Variants in DMRT3 observed in about 807,000 individuals in gnomAD.
DMRT3 encodes doublesex- and mab-3-related transcription factor 3.
Under a neutral mutation model 34.9 loss-of-function variants are expected in DMRT3, and 29 were observed. That is an observed-to-expected ratio of 0.83 (90% CI 0.62 to 1.13). DMRT3 has a LOEUF of 1.13. DMRT3 is among the 50% of genes most tolerant of loss of function. The pLI, the probability that DMRT3 is intolerant of heterozygous loss-of-function variation, is 0.00. For synonymous variants in DMRT3, 350 were observed against 286.0 expected, an observed-to-expected ratio of 1.22 and a Z score of -2.26; for missense variants, 772 against 629.1, an observed-to-expected ratio of 1.23 and a Z score of -2.43.
In DMRT3 at chr9:976,914, C is replaced by T; in HGVS notation, c.-88C>T. On this transcript the variant is annotated 5_prime_UTR_variant, in exon 1 of 2. Transcript: ENST00000190165. This position sits in a 1 kb window ranked among gnomAD's most constrained non-coding sequence, Gnocchi z 4.5. ...CAAGGGCCGCGTCGCCCGGAGGCCGCCCCTGAGCGGGCCTCGCAGCCCCGC... is the reference window on the plus strand; with the variant it reads ...CAAGGGCCGCGTCGCCCGGAGGCCGTCCCTGAGCGGGCCTCGCAGCCCCGC... 2.2e-6 allele frequency: 3 copies of T among 1,342,570 alleles called. No individual in the cohort carries two copies. Among genetic ancestry groups the T allele is most frequent in the Non-Finnish European group, 2.9e-6 (3 of 1,039,908 alleles). The allele number at this position is 1,342,570 out of a possible 1,614,324, so 83.2% of individuals were successfully genotyped here. A position where few individuals can be genotyped will look rare whatever the true frequency, so the allele number is the denominator to read the frequency against.
chr9:980,003 C>T (rs1050192234), intron 1 of DMRT3, among the ~76,000 whole-genome samples: 18 of 152,186 alleles, frequency 1.2e-4, no homozygotes, highest in African/African-American at 4.3e-4. Flanking sequence ...CAATGTAGAT[C>T]TATTACTTTG....
At chr9:989,448 G>A (rs904549078) in intron 1 of DMRT3, among the ~76,000 whole-genome samples, 2 of 152,080 alleles carry the variant, frequency 1.3e-5, no homozygotes, top group Non-Finnish European at 2.9e-5. Flanking sequence ...ATGGATAGAG[G>A]TATCTTTCAC....
chr9:978,047 C>T (rs1434647000), intron 1 of DMRT3, among the ~76,000 whole-genome samples: 3 of 152,222 alleles, frequency 2.0e-5, no homozygotes, highest in Non-Finnish European at 4.4e-5. Context: ...GGCCTCCAGA[C>T]TCTTGTAACT....
intron 1 of DMRT3, among the ~76,000 whole-genome samples, chr9:981,786 T>G (rs970493465): frequency 2.6e-5 from 4 of 151,652 alleles, no homozygotes. Context: ...CACCAGGGGG[T>G]CGGAGCTGCA....
chr9:978,759 G>T (rs1820181827), intron 1 of DMRT3, among the ~76,000 whole-genome samples: 1 of 152,152 alleles, frequency 6.6e-6, no homozygotes, highest in South Asian at 2.1e-4. Flanking sequence ...CAGTAGAGCT[G>T]GGAATTTTAA....
intron 1 of DMRT3, among the ~76,000 whole-genome samples, chr9:988,595 C>T (rs897349829): frequency 6.6e-6 from 1 of 152,070 alleles, no homozygotes; most frequent in Non-Finnish European, 1.5e-5. Flanking sequence ...GAAGAATGTT[C>T]ATAAGTAGGC....
chr9:991,195 AGCTCT>A lies in DMRT3; in HGVS notation c.*192_*196del, dbSNP rs1280688070. On this transcript the variant is annotated 3_prime_UTR_variant, in exon 2 of 2. Transcript: ENST00000190165. Reference sequence around the variant, plus strand: ...TGCACTTCACTGGAAAATGCCAAATAGCTCTGTTCTGTGGCTTTAGTGCTGAATGT... The same window carrying A: ...TGCACTTCACTGGAAAATGCCAAATAGTTCTGTGGCTTTAGTGCTGAATGT... 1.5e-6 allele frequency: 1 copy of A among 678,694 alleles called. No individual in the cohort carries two copies. Among genetic ancestry groups the A allele is most frequent in the African/African-American group, 1.8e-5 (1 of 55,544 alleles). The allele number at this position is 678,694 out of a possible 1,614,324, so 42.0% of individuals were successfully genotyped here.
In DMRT3 at chr9:990,421, G is replaced by A; in HGVS notation, c.835G>A (p.Val279Met). Residue 279 changes from valine (V) to methionine (M), a missense_variant, in exon 2 of 2, where the codon GTG becomes ATG. Coordinates refer to ENST00000190165, the MANE Select transcript of DMRT3 (RefSeq NM_021240.4). The stretch of plus-strand genomic sequence containing the variant: ...CCTCAAGGGCTGTGGCGGGGACCTG[G>A]TGAGCGCCGTGGAAGTCCTTCTGTC... ...LILKGCGGDLVSAVEVLLSSR... is the reference protein window; with the variant it reads ...LILKGCGGDLMSAVEVLLSSR... 3.1e-6 allele frequency: 5 copies of A among 1,614,114 alleles called. No homozygotes were observed. The highest frequency in any genetic ancestry group is 4.2e-6 in the Non-Finnish European group (5 of 1,180,022).
intron 1 of DMRT3, among the ~76,000 whole-genome samples, chr9:977,826 T>A (rs1586681510): frequency 6.6e-6 from 1 of 152,004 alleles, no homozygotes; most frequent in Non-Finnish European, 1.5e-5. Context: ...TACGGTGGGG[T>A]CGGATTTTCC....
At position 990,512 on chromosome 9, in the gene DMRT3, C is replaced by T. The variant is rs373718884; in HGVS notation, c.926C>T (p.Ser309Phe). 7.9e-5 allele frequency: 127 copies of T among 1,614,152 alleles called. No homozygotes were observed. Among genetic ancestry groups the T allele is most frequent in the Non-Finnish European group, 1.0e-4 (122 of 1,180,030 alleles). Residue 309 changes from serine to phenylalanine, a missense_variant, in exon 2 of 2, where the codon TCC (serine) becomes TTC (phenylalanine). Coordinates refer to ENST00000190165, the MANE Select transcript of DMRT3 (RefSeq NM_021240.4). ...GAACCTGAGAGTCTAGCGTTGCCCT[C>T]CAATGGGCACATCTTTGAACACACC... The part of the protein sequence containing the change: ...SAEPESLALP[S>F]NGHIFEHTLS...
rs537931256 is a variant in DMRT3, at chr9:990,887, G to C, written c.1301G>C (p.Arg434Pro). The change falls in exon 2 of 2, where the codon CGG (arginine) becomes CCG (proline). Residue 434 changes from arginine to proline, a missense_variant. Arg to Pro is a moderately radical substitution (Grantham distance 103). Transcript: ENST00000190165. ...CCTGCCCGCGCCACGGAAGACCCTC[G>C]GATTTCCATCCCTGATGATGGGTGT... Reference protein sequence around the residue: ...VLPARATEDPRISIPDDGCPF... With the variant: ...VLPARATEDPPISIPDDGCPF... The C allele has an allele frequency of 6.2e-7, 1 of 1,614,080 alleles. No homozygotes were observed. The highest frequency in any genetic ancestry group is 2.2e-5 in the East Asian group (1 of 44,860).
At position 976,888 on chromosome 9, in the gene DMRT3, C is replaced by T. The variant is rs1349069597; in HGVS notation, c.-114C>T. The T allele has an allele frequency of 4.2e-6, 5 of 1,196,114 alleles. No homozygotes were observed. In the Admixed American group the frequency reaches 1.9e-4, roughly 45 times the overall value. The allele number at this position is 1,196,114 out of a possible 1,614,324, so 74.1% of individuals were successfully genotyped here. A position where few individuals can be genotyped will look rare whatever the true frequency, so the allele number is the denominator to read the frequency against. Reference sequence around the variant, plus strand: ...ACACACGACCACCGGGGCTGCGGGACCAAGGGCCGCGTCGCCCGGAGGCCG... The same window carrying T: ...ACACACGACCACCGGGGCTGCGGGATCAAGGGCCGCGTCGCCCGGAGGCCG... On this transcript the variant is annotated 5_prime_UTR_variant, in exon 1 of 2. Transcript: ENST00000190165. The surrounding 1 kb of genome is among the most constrained non-coding windows in gnomAD (Gnocchi z 4.5).
chr9:991,053 G>T lies in DMRT3; in HGVS notation c.*48G>T. The T allele has an allele frequency of 1.9e-6, 3 of 1,563,332 alleles. No homozygotes were observed. In the South Asian group the frequency reaches 3.6e-5, roughly 19 times the overall value. On this transcript the variant is annotated 3_prime_UTR_variant, in exon 2 of 2. Coordinates refer to ENST00000190165, the MANE Select transcript of DMRT3 (RefSeq NM_021240.4). ...CCAGGTGACATTTTCTGTGCGTTTT[G>T]ACCCTGAGGCATCTGAGGAGAGGCC... is the stretch of plus-strand genomic sequence containing the variant.
intron 1 of DMRT3, among the ~76,000 whole-genome samples, chr9:985,498 A>G (rs1171532074): frequency 6.6e-6 from 1 of 152,262 alleles, no homozygotes; most frequent in African/African-American, 2.4e-5. Flanking sequence ...TTTAAGAACA[A>G]ATCTGGAGAT....
In DMRT3 at chr9:976,821, G is replaced by C. The variant is rs917817056; in HGVS notation, c.-181G>C. 7.7e-6 allele frequency: 4 copies of C among 519,592 alleles called. No homozygotes were observed. Among genetic ancestry groups the C allele is most frequent in the Non-Finnish European group, 1.2e-5 (4 of 325,910 alleles). 32.2% of individuals were successfully genotyped at this position (519,592 alleles called of 1,614,324 possible). A position where few individuals can be genotyped will look rare whatever the true frequency, so the allele number is the denominator to read the frequency against. Reference sequence around the variant, plus strand: ...GGAGGCCGAGCTGTGAGCGCGAAGGGAGCTGGAGAGACGACTGCGGCACCT... The same window carrying C: ...GGAGGCCGAGCTGTGAGCGCGAAGGCAGCTGGAGAGACGACTGCGGCACCT... On this transcript the variant is annotated 5_prime_UTR_variant, in exon 1 of 2. Coordinates refer to ENST00000190165, the MANE Select transcript of DMRT3 (RefSeq NM_021240.4). This position sits in a 1 kb window ranked among gnomAD's most constrained non-coding sequence, Gnocchi z 4.5.
Position 977,425 on chromosome 9 carries a change from G to A in DMRT3, c.424G>A (p.Gly142Arg), listed in dbSNP as rs778879220. 5 of 1,273,298 alleles carry A rather than the reference G, an allele frequency of 3.9e-6. No homozygotes were observed. In the East Asian group the frequency reaches 1.4e-4, roughly 37 times the overall value. The allele number at this position is 1,273,298 out of a possible 1,614,324, so 78.9% of individuals were successfully genotyped here. Residue 142 changes from glycine (G) to arginine (R), a missense_variant, in exon 1 of 2, where the codon GGG (glycine) becomes AGG (arginine). Coordinates refer to ENST00000190165, the MANE Select transcript of DMRT3 (RefSeq NM_021240.4). ...ALRWTAEPQP[G>R]ALQAQLAKPD... Reference sequence around the variant, plus strand: ...GCGTTGGACTGCCGAGCCGCAGCCCGGGGCTCTGCAGGCGCAGCTCGCCAA... The same window carrying A: ...GCGTTGGACTGCCGAGCCGCAGCCCAGGGCTCTGCAGGCGCAGCTCGCCAA...
Position 990,474 on chromosome 9 carries a change from G to A in DMRT3, c.888G>A (p.Glu296=). ...LSSRSSVTGA[E]RTSAEPESLA... The stretch of plus-strand genomic sequence containing the variant: ...GCCGATCCTCAGTCACGGGAGCAGA[G>A]CGAACTTCCGCAGAACCTGAGAGTC... Residue 296 remains glutamate, a synonymous_variant, in exon 2 of 2, where the codon GAG becomes GAA. Transcript: ENST00000190165. The A allele has an allele frequency of 6.2e-7, 1 of 1,614,188 alleles. No homozygotes were observed. The highest frequency in any genetic ancestry group is 8.5e-7 in the Non-Finnish European group (1 of 1,180,034).
chr9:991,199 C>T lies in DMRT3; in HGVS notation c.*194C>T. On this transcript the variant is annotated 3_prime_UTR_variant, in exon 2 of 2. Coordinates refer to ENST00000190165, the MANE Select transcript of DMRT3 (RefSeq NM_021240.4). ...CTTCACTGGAAAATGCCAAATAGCT[C>T]TGTTCTGTGGCTTTAGTGCTGAATG... 2 of 655,190 alleles carry T rather than the reference C, an allele frequency of 3.1e-6. No individual in the cohort carries two copies. Among genetic ancestry groups the T allele is most frequent in the South Asian group, 4.3e-5 (2 of 45,986 alleles). 40.6% of individuals were successfully genotyped at this position (655,190 alleles called of 1,614,324 possible).
Position 976,957 on chromosome 9 carries a change from C to T in DMRT3, c.-45C>T, listed in dbSNP as rs774045335. On this transcript the variant is annotated 5_prime_UTR_variant, in exon 1 of 2. Coordinates refer to ENST00000190165, the MANE Select transcript of DMRT3 (RefSeq NM_021240.4). This position sits in a 1 kb window ranked among gnomAD's most constrained non-coding sequence, Gnocchi z 4.5. ...AGCCCCGCCGTCCAGCGCTCCCTGG[C>T]CCTCTCCCGCAGCCAGGCTGCCAAC... 2.8e-6 allele frequency: 4 copies of T among 1,428,762 alleles called. No individual in the cohort carries two copies. Among genetic ancestry groups the T allele is most frequent in the East Asian group, 5.3e-5 (2 of 37,458 alleles). 88.5% of individuals were successfully genotyped at this position (1,428,762 alleles called of 1,614,324 possible).
Sources: allele counts gnomAD v4.1 joint callset (sites outside exome capture counted in the v4.1 genomes callset), GRCh38; gene constraint gnomAD v4.1.1; non-coding constraint Gnocchi (gnomAD v3.1); transcripts MANE v1.5; gene names NCBI Gene and HGNC (gene_info 2026-07-23, HGNC 2026-07-21).